The following SRSF3 variants were observed in gnomAD, a reference collection of about 807,000 sequenced individuals.
SRSF3 encodes the protein serine and arginine rich splicing factor 3, also known as serine/arginine-rich splicing factor 3.
For missense variants in SRSF3, 58 were observed against 217.1 expected, an observed-to-expected ratio of 0.27 and a Z score of 4.61; for synonymous variants, 87 against 73.6, an observed-to-expected ratio of 1.18 and a Z score of -0.93.
Position 36,598,945 on chromosome 6 carries a change from AG to A in SRSF3, c.304del (p.Asp102MetfsTer91). 6.2e-7 allele frequency: 1 copy of A among 1,614,208 alleles called. No homozygotes were observed. The highest frequency in any genetic ancestry group is 8.5e-7 in the Non-Finnish European group (1 of 1,180,040). On this transcript the variant is annotated frameshift_variant, in exon 3 of 6. Transcript: ENST00000373715. LOFTEE classifies it high-confidence loss of function. ...PPPSWGRRPRDDYRRRSPPPR... is the reference protein window; with the variant it reads ...PPPSWGRRPRXDYRRRSPPPR... Reference sequence around the variant, plus strand: ...CTCCCTCTTGGGGTCGTCGCCCTCGAGATGATTATCGTAGGAGGAGTCCTCC... The same window carrying A: ...CTCCCTCTTGGGGTCGTCGCCCTCGAATGATTATCGTAGGAGGAGTCCTCC...
At chr6:36,595,860 A>T (rs1261280083) in intron 1 of SRSF3, among the ~76,000 whole-genome samples, 1 of 152,194 alleles carries the variant, frequency 6.6e-6, no homozygotes, top group African/African-American at 2.4e-5. Flanking sequence ...CTATCTAATG[A>T]CATTTGATAC....
intron 1 of SRSF3, chr6:36,594,872 A>G (rs939419781): frequency 2.0e-5 from 3 of 151,860 alleles, no homozygotes; most frequent in African/African-American, 7.3e-5. Context: ...TTCAGTTCAT[A>G]TTAAATGGCC....
intron 2 of SRSF3, 123 bp downstream of exon 2, chr6:36,597,091 T>A (rs1778641959): frequency 4.5e-6 from 3 of 670,024 alleles, no homozygotes; most frequent in South Asian, 3.9e-5. Flanking sequence ...TAGATACAAT[T>A]GGGATCTTTT....
At chr6:36,601,125 G>A in intron 3 of SRSF3, 27 bp from the exon 4 acceptor site, 2 of 1,593,338 alleles carry the variant, frequency 1.3e-6, no homozygotes, top group East Asian at 2.3e-5. Flanking sequence ...TTGATGATGA[G>A]CCTAATTTTC....
rs2127507924 is a variant in SRSF3, at chr6:36,605,513, G to A, written c.*3524G>A. 1 of 151,078 alleles carries A rather than the reference G, an allele frequency of 6.6e-6. No individual in the cohort carries two copies. Among genetic ancestry groups the A allele is most frequent in the East Asian group, 1.9e-4 (1 of 5,154 alleles). 9.4% of individuals were successfully genotyped at this position (151,078 alleles called of 1,614,324 possible). ...CAAAAAAAAAAAAAAAGTTTGTTTT[G>A]GTAAGCCTAGTATAATTGATTAGTT... On this transcript the variant is annotated 3_prime_UTR_variant, in exon 6 of 6. Coordinates refer to ENST00000373715, the MANE Select transcript of SRSF3 (RefSeq NM_003017.5).
At chr6:36,595,745 A>G (rs926286575) in intron 1 of SRSF3, among the ~76,000 whole-genome samples, 1 of 152,154 alleles carries the variant, frequency 6.6e-6, no homozygotes. Flanking sequence ...TTGGGTTAAC[A>G]TCTTTGGGCT....
chr6:36,601,768 G>A lies in SRSF3; in HGVS notation c.441G>A (p.Pro147=), dbSNP rs531872649. The change falls in exon 5 of 6, where the codon CCG becomes CCA. Residue 147 remains proline (P), a synonymous_variant. Coordinates refer to ENST00000373715, the MANE Select transcript of SRSF3 (RefSeq NM_003017.5). Reference sequence around the variant, plus strand: ...TGTCTCGGGAGAGAAATCACAAGCCGTCCCGATCCTTCTCTAGGTCTCGTA... The same window carrying A: ...TGTCTCGGGAGAGAAATCACAAGCCATCCCGATCCTTCTCTAGGTCTCGTA... ...RSLSRERNHK[P]SRSFSRSRSR... 68 of 1,610,152 alleles carry A rather than the reference G, an allele frequency of 4.2e-5. 1 individual carries two copies. The Admixed American group carries it at 4.5e-4, about 11-fold the overall frequency.
chr6:36,599,347 T>C (rs59274016), intron 3 of SRSF3: 5,280 of 211,730 alleles, frequency 0.025, 77 homozygotes, highest in African/African-American at 0.04. Context: ...TTTTCTACTA[T>C]TAGCACAATT....
In SRSF3 at chr6:36,605,052, C is replaced by G. The variant is rs1778787824; in HGVS notation, c.*3063C>G. The stretch of plus-strand genomic sequence containing the variant: ...CTGAAGAAAAACTGGGTTGGAAGTA[C>G]ATTTTTCTCTAAATAATCCAGTAGT... On this transcript the variant is annotated 3_prime_UTR_variant, in exon 6 of 6. Coordinates refer to ENST00000373715, the MANE Select transcript of SRSF3 (RefSeq NM_003017.5). 6.6e-6 allele frequency: 1 copy of G among 152,158 alleles called. No individual in the cohort carries two copies. Among genetic ancestry groups the G allele is most frequent in the Non-Finnish European group, 1.5e-5 (1 of 68,030 alleles). 9.4% of individuals were successfully genotyped at this position (152,158 alleles called of 1,614,324 possible).
Position 36,598,840 on chromosome 6 carries a change from C to A in SRSF3, c.207-9C>A, listed in dbSNP as rs201627272. On this transcript the variant is annotated splice_polypyrimidine_tract_variant and intron_variant, in intron 2 of 5. Coordinates refer to ENST00000373715, the MANE Select transcript of SRSF3 (RefSeq NM_003017.5). Reference sequence around the variant, plus strand: ...GGCTGTTTTAAGTTTAATATCTTTGCCCCCTCAGAACACTATGTGGCTGCC... The same window carrying A: ...GGCTGTTTTAAGTTTAATATCTTTGACCCCTCAGAACACTATGTGGCTGCC... 2 of 1,610,220 alleles carry A rather than the reference C, an allele frequency of 1.2e-6. No homozygotes were observed. Among genetic ancestry groups the A allele is most frequent in the Admixed American group, 3.4e-5 (2 of 59,200 alleles).
At position 36,599,055 on chromosome 6, in the gene SRSF3, A is replaced by G. The variant is rs190321060; in HGVS notation, c.341+72A>G. 6.6e-4 allele frequency: 1,020 copies of G among 1,550,620 alleles called. 1 individual carries two copies. The highest frequency in any genetic ancestry group is 8.4e-4 in the Non-Finnish European group (960 of 1,146,778). On this transcript the variant is annotated intron_variant, in intron 3 of 5. Transcript: ENST00000373715. ...CTAGTAGGAGCAGGTATTTCTCTTA[A>G]GTTTGTTGGTGGGTTTTAAACTTTG...
At chr6:36,599,781 T>G (rs772160063) in intron 3 of SRSF3, 1 of 1,326,618 alleles carries the variant, frequency 7.5e-7, no homozygotes, top group Non-Finnish European at 1.0e-6. Context: ...TTTTTTGTGC[T>G]TTTTGGTCCA....
chr6:36,595,578 A>G (rs1167784955), intron 1 of SRSF3, among the ~76,000 whole-genome samples: 1 of 152,180 alleles, frequency 6.6e-6, no homozygotes, highest in Admixed American at 6.5e-5. Context: ...GATATTTAGT[A>G]TTTATGGAAT....
At chr6:36,600,909 G>C in intron 3 of SRSF3, 1 of 408,400 alleles carries the variant, frequency 2.4e-6, no homozygotes, top group Non-Finnish European at 4.3e-6. Flanking sequence ...AGCATTCTTT[G>C]TTAAAGTGAA....
intron 3 of SRSF3, chr6:36,599,708 C>T: frequency 2.4e-6 from 2 of 816,978 alleles, no homozygotes; most frequent in African/African-American, 1.8e-5. Context: ...CACACTGTTG[C>T]CCATCATAAT....
At chr6:36,597,499 T>C (rs897553328) in intron 2 of SRSF3, among the ~76,000 whole-genome samples, 18 of 151,974 alleles carry the variant, frequency 1.2e-4, no homozygotes, top group African/African-American at 4.1e-4. Flanking sequence ...CCTTTACTTT[T>C]ATGTGTTTGA....
At position 36,601,203 on chromosome 6, in the gene SRSF3, CT is replaced by C. The variant is rs547568228; in HGVS notation, c.380+19del. 7.2e-4 allele frequency: 1,157 copies of C among 1,612,984 alleles called. 3 individuals are homozygous for C. Among genetic ancestry groups the C allele is most frequent in the South Asian group, 4.8e-3 (434 of 91,034 alleles). Reference sequence around the variant, plus strand: ...GCAGCCGGAGCAGGTAAATGACTACCTTTTTTGGCTACGTTCTTAGAAATGG... The same window carrying C: ...GCAGCCGGAGCAGGTAAATGACTACCTTTTTGGCTACGTTCTTAGAAATGG... On this transcript the variant is annotated intron_variant, in intron 4 of 5. Coordinates refer to ENST00000373715, the MANE Select transcript of SRSF3 (RefSeq NM_003017.5).
chr6:36,601,255 T>C (rs1778711373), intron 4 of SRSF3, 65 bp downstream of exon 4: 84 of 1,553,880 alleles, frequency 5.4e-5, no homozygotes, highest in Non-Finnish European at 7.3e-5. Context: ...TCCTAAACTT[T>C]TCCAGGTGGC....
rs566345911 is a variant in SRSF3, at chr6:36,604,484, C to G, written c.*2495C>G. On this transcript the variant is annotated 3_prime_UTR_variant, in exon 6 of 6. Transcript: ENST00000373715. ...TTAGTTTGATCTCTGGTTCACAGTT[C>G]ATTGTGGGTTGCTTCTGACCTCCAT... 5.5e-6 allele frequency: 1 copy of G among 181,026 alleles called. No homozygotes were observed. The highest frequency in any genetic ancestry group is 9.1e-5 in the East Asian group (1 of 11,030). 11.2% of individuals were successfully genotyped at this position (181,026 alleles called of 1,614,324 possible). A position where few individuals can be genotyped will look rare whatever the true frequency, so the allele number is the denominator to read the frequency against.
Sources: gnomAD v4.1 joint callset for allele counts (sites outside exome capture counted in the v4.1 genomes callset) on GRCh38, gnomAD v4.1.1 for gene constraint, MANE v1.5 for transcripts, NCBI Gene and HGNC (gene_info 2026-07-23, HGNC 2026-07-21) for gene names.